The following EPHA6 variants were observed in gnomAD, a reference collection of about 807,000 sequenced individuals.
EPHA6 encodes the protein ephrin type-A receptor 6.
EPHA6 carries 50 observed loss-of-function variants against 112.0 expected under a neutral mutation model. The observed-to-expected ratio is 0.45, with a 90% CI of 0.36 to 0.56. The LOEUF (loss-of-function observed/expected upper bound fraction) is 0.56. Among genes scored for constraint, EPHA6 ranks in the 20% least tolerant of loss-of-function variants. EPHA6 has a pLI of 0.00. For synonymous variants in EPHA6, 529 were observed against 490.7 expected (o/e 1.08, Z -1.03); for missense variants, 1,280 against 1,417.4 (o/e 0.90, Z 1.56).
chr3:96,836,835 G>C (rs1366732131), intron 1 of EPHA6, among the ~76,000 whole-genome samples: 1 of 152,142 alleles, frequency 6.6e-6, no homozygotes, highest in Non-Finnish European at 1.5e-5. Context: ...TGGGTTATTA[G>C]ATTGAAATAG....
chr3:96,971,956 A>T (rs2042331759), intron 2 of EPHA6, among the ~76,000 whole-genome samples: 2 of 152,196 alleles, frequency 1.3e-5, no homozygotes, highest in Non-Finnish European at 2.9e-5. Flanking sequence ...AGAACATATT[A>T]TACAAAAAAC....
chr3:97,017,124 C>A (rs1006704170), intron 3 of EPHA6, among the ~76,000 whole-genome samples: 8 of 152,282 alleles, frequency 5.3e-5, no homozygotes, highest in African/African-American at 1.4e-4. Context: ...CCAAAATAAG[C>A]ACCTTCATAA....
intron 14 of EPHA6, among the ~76,000 whole-genome samples, chr3:97,677,624 G>C (rs1337397692): frequency 6.6e-6 from 1 of 151,736 alleles, no homozygotes; most frequent in Non-Finnish European, 1.5e-5. Context: ...GGGTGGTTGA[G>C]GCAGGAGGAT....
At chr3:97,435,820 T>G (rs2089800505) in intron 6 of EPHA6, among the ~76,000 whole-genome samples, 1 of 152,226 alleles carries the variant, frequency 6.6e-6, no homozygotes, top group Admixed American at 6.5e-5. Flanking sequence ...CACTCTTTGA[T>G]AATAATGCAG....
At chr3:97,141,049 A>G (rs1044953208) in intron 3 of EPHA6, among the ~76,000 whole-genome samples, 3 of 152,156 alleles carry the variant, frequency 2.0e-5, no homozygotes, top group Non-Finnish European at 2.9e-5. Context: ...GATCAAACAG[A>G]CATTAAATCA....
intron 3 of EPHA6, among the ~76,000 whole-genome samples, chr3:97,085,166 A>G (rs2046853799): frequency 1.3e-5 from 2 of 152,176 alleles, no homozygotes; most frequent in African/African-American, 4.8e-5. Context: ...TAAAAATGTT[A>G]TAAGGAAATT....
chr3:97,282,613 T>TA (rs925326339), intron 5 of EPHA6, among the ~76,000 whole-genome samples: 1 of 151,900 alleles, frequency 6.6e-6, no homozygotes, highest in Non-Finnish European at 1.5e-5. Flanking sequence ...CAGACTAGAT[T>TA]AAAAAAATGT....
chr3:97,693,722 G>A (rs1437187976), intron 14 of EPHA6, among the ~76,000 whole-genome samples: 1 of 152,020 alleles, frequency 6.6e-6, no homozygotes, highest in African/African-American at 2.4e-5. Flanking sequence ...GCAGGAGAAT[G>A]GCCTGAACCC....
rs1398737023 is a variant in EPHA6 at position 97,759,527 on chromosome 3, GA to G, written c.*10827del. On this transcript the variant is annotated 3_prime_UTR_variant, in exon 18 of 18. Transcript: ENST00000389672. ...ACAGGGGAAAACTGATTATGCAAGA[GA>G]GATGATAATTGTAACAAAGGCCTTG... 1 of 230,812 alleles carries G rather than the reference GA, an allele frequency of 4.3e-6. No homozygotes were observed. The highest frequency in any genetic ancestry group is 2.2e-5 in the African/African-American group (1 of 45,230). The allele number at this position is 230,812 out of a possible 1,614,324, so 14.3% of individuals were successfully genotyped here.
At chr3:97,272,769 G>T (rs1258576267) in intron 5 of EPHA6, among the ~76,000 whole-genome samples, 1 of 152,044 alleles carries the variant, frequency 6.6e-6, no homozygotes, top group Admixed American at 6.6e-5. Context: ...TTTTGTGGTG[G>T]AATGTCATCA....
chr3:97,719,420 C>T (rs918399553), intron 14 of EPHA6, among the ~76,000 whole-genome samples: 1 of 152,066 alleles, frequency 6.6e-6, no homozygotes, highest in Non-Finnish European at 1.5e-5. Flanking sequence ...CTGCTTTCGT[C>T]CCTTCAACTC....
intron 2 of EPHA6, among the ~76,000 whole-genome samples, chr3:96,967,587 G>A (rs1222135380): frequency 6.6e-6 from 1 of 151,362 alleles, no homozygotes. Flanking sequence ...ATTGATTATC[G>A]TGTACCAATA....
At chr3:97,002,906 A>C (rs1257328161) in intron 3 of EPHA6, among the ~76,000 whole-genome samples, 1 of 152,202 alleles carries the variant, frequency 6.6e-6, no homozygotes, top group Non-Finnish European at 1.5e-5. Context: ...TTCCAAAGAT[A>C]AATATTCATC....
chr3:97,090,022 A>G (rs961605313), intron 3 of EPHA6, among the ~76,000 whole-genome samples: 2 of 152,096 alleles, frequency 1.3e-5, no homozygotes, highest in African/African-American at 2.4e-5. Context: ...AGTACTAATT[A>G]TTCTTAATGT....
intron 11 of EPHA6, among the ~76,000 whole-genome samples, chr3:97,552,124 G>C (rs962118479): frequency 8.5e-5 from 13 of 152,152 alleles, no homozygotes; most frequent in African/African-American, 2.7e-4. Flanking sequence ...AGAGTTGATT[G>C]CTAACAGACT....
In EPHA6 at chr3:97,532,363, T is replaced by C; in HGVS notation, c.2206T>C (p.Phe736Leu). The C allele has an allele frequency of 6.3e-7, 1 of 1,596,618 alleles. No homozygotes were observed. Among genetic ancestry groups the C allele is most frequent in the Non-Finnish European group, 8.5e-7 (1 of 1,173,942 alleles). ...RIERVIGAGE[F>L]GEVCSGRLKT... ...GCTTTTGTTCATATTTTAAGGTGAA[T>C]TTGGAGAAGTCTGTAGTGGGCGTTT... Residue 736 changes from phenylalanine (F) to leucine (L), a missense_variant, in exon 11 of 18, where the codon TTT becomes CTT. By Grantham distance (22) the Phe-to-Leu change is conservative. Around this residue, in one of 4 missense-constraint regions of EPHA6, gnomAD observed 878 missense variants for 999.7 expected, o/e 0.88. Transcript: ENST00000389672.
At chr3:97,030,781 T>C (rs540873461) in intron 3 of EPHA6, among the ~76,000 whole-genome samples, 1 of 152,194 alleles carries the variant, frequency 6.6e-6, no homozygotes, top group East Asian at 1.9e-4. Context: ...AATTTATATC[T>C]ACTATGAATA....
At chr3:97,657,595 C>T (rs781358758) in intron 14 of EPHA6, among the ~76,000 whole-genome samples, 27 of 151,890 alleles carry the variant, frequency 1.8e-4, no homozygotes, top group African/African-American at 5.3e-4. Context: ...CCTTGTACCT[C>T]GGTTTCCACA....
chr3:97,543,129 G>A (rs185169312), intron 11 of EPHA6, among the ~76,000 whole-genome samples: 1 of 152,194 alleles, frequency 6.6e-6, no homozygotes, highest in East Asian at 1.9e-4. Context: ...TTTGTCTTTT[G>A]TTGCCATGCT....
Sources: gnomAD v4.1 joint callset for allele counts (sites outside exome capture counted in the v4.1 genomes callset) on GRCh38, gnomAD v4.1.1 for gene constraint, gnomAD v4.1.1 regional missense constraint, MANE v1.5 for transcripts, NCBI Gene and HGNC (gene_info 2026-07-23, HGNC 2026-07-21) for gene names.